Variants in PLCB1 observed in about 807,000 individuals in gnomAD.
PLCB1 encodes 1-phosphatidylinositol 4,5-bisphosphate phosphodiesterase beta-1.
PLCB1 carries 46 observed loss-of-function variants against 161.8 expected under a neutral mutation model. The observed-to-expected ratio is 0.28, with a 90% CI of 0.22 to 0.36. The LOEUF is 0.36. PLCB1 is among the 10% of genes least tolerant of loss of function. The pLI is 1.00. For synonymous variants in PLCB1, 517 were observed against 503.7 expected (o/e 1.03, Z -0.35); for missense variants, 1,016 against 1,472.5 (o/e 0.69, Z 5.07).
chr20:8,371,776 C>T (rs1041727280), intron 3 of PLCB1: 7 of 224,516 alleles, frequency 3.1e-5, no homozygotes, highest in East Asian at 9.8e-5. Flanking sequence ...CTTTGAACCT[C>T]GTAAACATAT....
At chr20:8,175,824 C>G (rs1420261942) in intron 2 of PLCB1, among the ~76,000 whole-genome samples, 1 of 151,812 alleles carries the variant, frequency 6.6e-6, no homozygotes, top group East Asian at 1.9e-4. Context: ...AAACAAAAAA[C>G]AAAAAACCTA....
intron 10 of PLCB1, among the ~76,000 whole-genome samples, chr20:8,689,738 C>A (rs1386239267): frequency 6.6e-6 from 1 of 151,750 alleles, no homozygotes; most frequent in Non-Finnish European, 1.5e-5. Flanking sequence ...ATTTCTTCTT[C>A]TAAATTAATT....
At chr20:8,532,163 GC>G (rs963050962) in intron 3 of PLCB1, among the ~76,000 whole-genome samples, 1 of 151,978 alleles carries the variant, frequency 6.6e-6, no homozygotes, top group African/African-American at 2.4e-5. Flanking sequence ...AATCTACATT[GC>G]CTACCTTTTG....
intron 2 of PLCB1, among the ~76,000 whole-genome samples, chr20:8,314,266 G>C (rs1984535731): frequency 6.6e-6 from 1 of 152,098 alleles, no homozygotes; most frequent in African/African-American, 2.4e-5. Context: ...TAGAGGAAGG[G>C]GATAGGCCAT....
At chr20:8,644,127 C>T (rs1202222668) in intron 4 of PLCB1, among the ~76,000 whole-genome samples, 2 of 152,140 alleles carry the variant, frequency 1.3e-5, no homozygotes, top group Non-Finnish European at 2.9e-5. Context: ...AGTGCAGTGG[C>T]GTGATCTCGG....
chr20:8,774,394 G>C, intron 26 of PLCB1, 145 bp from the exon 27 acceptor site: 1 of 669,968 alleles, frequency 1.5e-6, no homozygotes, highest in Non-Finnish European at 2.5e-6. Context: ...CTTGTCCTTG[G>C]GGTCTCACCC....
At chr20:8,497,226 C>T (rs1023517402) in intron 3 of PLCB1, among the ~76,000 whole-genome samples, 1 of 152,094 alleles carries the variant, frequency 6.6e-6, no homozygotes, top group African/African-American at 2.4e-5. Context: ...GAAAAATCTA[C>T]CTCTTATCTT....
At position 8,674,298 on chromosome 20, in the gene PLCB1, A is replaced by T. The variant is rs578214490; in HGVS notation, c.863-10634A>T. 5.3e-5 allele frequency among the ~76,000 whole-genome samples: 8 copies of T among 152,322 alleles called. No individual in the cohort carries two copies. In the South Asian group the frequency reaches 1.5e-3, roughly 28 times the overall value. On this transcript the variant is annotated intron_variant, in intron 9 of 31. Transcript: ENST00000338037. ...GCTATTTGTATGGGCTACTCAAGAA[A>T]GACTTCATGTTGTGGTAATATTTGA... is the stretch of plus-strand genomic sequence containing the variant.
intron 2 of PLCB1, among the ~76,000 whole-genome samples, chr20:8,210,509 T>C (rs1978766417): frequency 2.0e-5 from 3 of 152,038 alleles, no homozygotes; most frequent in Admixed American, 2.0e-4. Flanking sequence ...AGCATTGGAG[T>C]CTTTTACTTT....
At chr20:8,369,620 G>T (rs1434188998) in intron 2 of PLCB1, among the ~76,000 whole-genome samples, 2 of 152,194 alleles carry the variant, frequency 1.3e-5, no homozygotes, top group East Asian at 3.9e-4. Flanking sequence ...GGGAACTGTG[G>T]CACCAGTCAC....
chr20:8,771,166 C>T (rs6133618), intron 26 of PLCB1, among the ~76,000 whole-genome samples: 48,859 of 151,922 alleles, frequency 0.32, 8,474 homozygotes, highest in East Asian at 0.5. Context: ...AAAATACACA[C>T]CAGATATCTA....
At chr20:8,761,151 A>C (rs1009690752) in intron 25 of PLCB1, among the ~76,000 whole-genome samples, 4 of 152,242 alleles carry the variant, frequency 2.6e-5, no homozygotes, top group African/African-American at 7.2e-5. Context: ...AACTCAAGTC[A>C]CACACAACAT....
At position 8,247,043 on chromosome 20, in the gene PLCB1, G is replaced by A. The variant is rs113527102; in HGVS notation, c.177+96672G>A. On this transcript the variant is annotated intron_variant, in intron 2 of 31. Coordinates refer to ENST00000338037, the MANE Select transcript of PLCB1 (RefSeq NM_015192.4). ...CAAAACTAATTCTTTAATACAGATG[G>A]CTTACAATACTTGTGAATTGCATTT... Among the ~76,000 whole-genome samples, 13 of 152,002 alleles carry A rather than the reference G, an allele frequency of 8.6e-5. 1 individual carries two copies. Among genetic ancestry groups the A allele is most frequent in the African/African-American group, 3.1e-4 (13 of 41,508 alleles).
intron 9 of PLCB1, among the ~76,000 whole-genome samples, chr20:8,674,437 A>G (rs1990026139): frequency 6.6e-6 from 1 of 152,228 alleles, no homozygotes; most frequent in Non-Finnish European, 1.5e-5. Flanking sequence ...CCTGGGCATC[A>G]GAGAGGGAAT....
chr20:8,445,530 G>C (rs1980783768), intron 3 of PLCB1, among the ~76,000 whole-genome samples: 2 of 151,854 alleles, frequency 1.3e-5, no homozygotes, highest in Admixed American at 1.3e-4. Context: ...GGCAATGCGG[G>C]CTCTTTTTTG....
At chr20:8,446,711 G>GA (rs1464155523) in intron 3 of PLCB1, among the ~76,000 whole-genome samples, 1 of 152,154 alleles carries the variant, frequency 6.6e-6, no homozygotes, top group Admixed American at 6.6e-5. Context: ...GAACACATAG[G>GA]AAAAATCAAG....
intron 9 of PLCB1, among the ~76,000 whole-genome samples, chr20:8,661,168 G>C (rs1989610511): frequency 6.6e-6 from 1 of 152,000 alleles, no homozygotes; most frequent in African/African-American, 2.4e-5. Context: ...CATGATTTCT[G>C]GGCCTTAAAC....
intron 23 of PLCB1, among the ~76,000 whole-genome samples, chr20:8,742,274 T>A (rs937854144): frequency 6.6e-6 from 1 of 152,126 alleles, no homozygotes; most frequent in African/African-American, 2.4e-5. Flanking sequence ...GATAAAAATT[T>A]GCTATTTTCA....
chr20:8,644,422 A>C (rs1989078488), intron 4 of PLCB1, among the ~76,000 whole-genome samples: 1 of 139,282 alleles, frequency 7.2e-6, no homozygotes, highest in African/African-American at 2.8e-5. Flanking sequence ...ATCGTCTGAG[A>C]TGTGGGGAGC....
Sources: allele counts gnomAD v4.1 joint callset (sites outside exome capture counted in the v4.1 genomes callset), GRCh38; gene constraint gnomAD v4.1.1; transcripts MANE v1.5; gene names NCBI Gene and HGNC (gene_info 2026-07-23, HGNC 2026-07-21).